PHF21A: variants seen among roughly 807,000 people sequenced by gnomAD.
The protein encoded by PHF21A is BHC80a.
PHF21A carries 11 observed loss-of-function variants against 82.5 expected under a neutral mutation model. The ratio of observed to expected loss-of-function variants is 0.13; its 90% CI spans 0.08 to 0.22. The LOEUF (loss-of-function observed/expected upper bound fraction) is 0.22, where lower values mean the gene tolerates loss of function less well. Ranked by LOEUF, PHF21A falls within the 10% of genes least tolerant of loss-of-function variation. The pLI, the probability that PHF21A is intolerant of heterozygous loss-of-function variation, is 1.00. For missense variants in PHF21A, 579 were observed against 837.8 expected (o/e 0.69, Z 3.81); for synonymous variants, 297 against 302.8 (o/e 0.98, Z 0.20).
At chr11:45,979,198 T>C (rs888709809) in intron 7 of PHF21A, among the ~76,000 whole-genome samples, 3 of 152,072 alleles carry the variant, frequency 2.0e-5, no homozygotes, top group African/African-American at 7.2e-5. Context: ...TTTGTATTTT[T>C]AGTAGAAATG....
At chr11:45,986,291 C>T (rs1297606474) in intron 6 of PHF21A, among the ~76,000 whole-genome samples, 1 of 152,044 alleles carries the variant, frequency 6.6e-6, no homozygotes, top group East Asian at 1.9e-4. Context: ...GTAAACTCAA[C>T]CCCATCTTCC....
intron 7 of PHF21A, among the ~76,000 whole-genome samples, chr11:45,973,211 G>C (rs1270379771): frequency 6.6e-6 from 1 of 152,228 alleles, no homozygotes; most frequent in East Asian, 1.9e-4. Context: ...CATGTGGTTA[G>C]TGGTGACCAA....
chr11:46,040,733 A>G (rs1389369132), intron 6 of PHF21A, among the ~76,000 whole-genome samples: 3 of 152,194 alleles, frequency 2.0e-5, no homozygotes, highest in African/African-American at 7.2e-5. Flanking sequence ...AGGATTCTGT[A>G]TATGTTCGAA....
At chr11:46,025,850 G>T (rs2095733862) in intron 6 of PHF21A, among the ~76,000 whole-genome samples, 1 of 152,206 alleles carries the variant, frequency 6.6e-6, no homozygotes, top group Non-Finnish European at 1.5e-5. Flanking sequence ...AAGTATAGGT[G>T]ATGGGCTGTG....
intron 1 of PHF21A, among the ~76,000 whole-genome samples, chr11:46,097,018 C>A (rs1328169415): frequency 1.3e-5 from 2 of 152,120 alleles, no homozygotes; most frequent in Non-Finnish European, 2.9e-5. Context: ...CACATCTACT[C>A]CGACAGCCAA....
chr11:45,985,468 T>TA (rs1245248650), intron 6 of PHF21A, among the ~76,000 whole-genome samples: 7 of 152,188 alleles, frequency 4.6e-5, no homozygotes, highest in Non-Finnish European at 8.8e-5. Context: ...AAACTCAAGA[T>TA]AAACTCCCTC....
At chr11:46,036,325 C>T (rs1488351333) in intron 6 of PHF21A, among the ~76,000 whole-genome samples, 1 of 152,152 alleles carries the variant, frequency 6.6e-6, no homozygotes, top group Non-Finnish European at 1.5e-5. Context: ...GATGCCAGTA[C>T]GACACTGAAG....
chr11:46,044,275 T>G (rs1049318149), intron 6 of PHF21A, among the ~76,000 whole-genome samples: 1 of 152,080 alleles, frequency 6.6e-6, no homozygotes, highest in Non-Finnish European at 1.5e-5. Context: ...GAATACATTA[T>G]TAAACCAAAT....
At chr11:46,009,627 T>C (rs1263964141) in intron 6 of PHF21A, among the ~76,000 whole-genome samples, 1 of 152,194 alleles carries the variant, frequency 6.6e-6, no homozygotes, top group Non-Finnish European at 1.5e-5. Context: ...ATTTTACAGA[T>C]GGAGAAACTA....
At chr11:46,010,865 G>A (rs965543649) in intron 6 of PHF21A, among the ~76,000 whole-genome samples, 1 of 151,998 alleles carries the variant, frequency 6.6e-6, no homozygotes, top group African/African-American at 2.4e-5. Flanking sequence ...GAATTGTTGG[G>A]GGCAATTAAA....
chr11:46,033,540 AG>A (rs2095913293), intron 6 of PHF21A, among the ~76,000 whole-genome samples: 1 of 152,214 alleles, frequency 6.6e-6, no homozygotes, highest in Non-Finnish European at 1.5e-5. Flanking sequence ...TTGGGATTAC[AG>A]GTGTGAGCCA....
chr11:46,054,012 C>T (rs548742028), intron 6 of PHF21A, among the ~76,000 whole-genome samples: 1 of 152,050 alleles, frequency 6.6e-6, no homozygotes, highest in South Asian at 2.1e-4. Flanking sequence ...CCCCACTTCG[C>T]CACAAGCTTT....
chr11:46,061,928 G>A (rs1403646120), intron 6 of PHF21A, among the ~76,000 whole-genome samples: 4 of 152,028 alleles, frequency 2.6e-5, no homozygotes, highest in African/African-American at 4.8e-5. Flanking sequence ...TTCTATCCCC[G>A]GACTTGATCA....
At chr11:46,099,562 A>ACACACACACACC (rs1228299404) in intron 1 of PHF21A, among the ~76,000 whole-genome samples, 6 of 146,040 alleles carry the variant, frequency 4.1e-5, no homozygotes, top group South Asian at 2.2e-4. Flanking sequence ...ACACACACAC[A>ACACACACACACC]CCCTAAACAC....
intron 6 of PHF21A, among the ~76,000 whole-genome samples, chr11:46,071,421 T>C (rs1034489043): frequency 6.6e-6 from 1 of 152,192 alleles, no homozygotes. Context: ...CCAGATGACC[T>C]ACAGACCTAG....
At chr11:45,938,832 G>A (rs75713103) in intron 15 of PHF21A, among the ~76,000 whole-genome samples, 1 of 151,026 alleles carries the variant, frequency 6.6e-6, no homozygotes, top group African/African-American at 2.4e-5. Flanking sequence ...GGAGACTAGT[G>A]TATTCTTTTT....
chr11:45,972,907 G>A (rs891148711), intron 7 of PHF21A, among the ~76,000 whole-genome samples: 6 of 148,804 alleles, frequency 4.0e-5, no homozygotes, highest in Admixed American at 6.7e-5. Context: ...GCGAGTCTCC[G>A]TCTCAAAAAC....
At chr11:46,012,525 C>CG (rs1437630209) in intron 6 of PHF21A, among the ~76,000 whole-genome samples, 7 of 152,288 alleles carry the variant, frequency 4.6e-5, no homozygotes, top group Admixed American at 4.6e-4. Context: ...TTTGGTCTTA[C>CG]GCAAGTTAAC....
At chr11:46,102,542 T>G (rs1054102049) in intron 1 of PHF21A, among the ~76,000 whole-genome samples, 8 of 152,236 alleles carry the variant, frequency 5.3e-5, no homozygotes, top group Admixed American at 2.6e-4. Flanking sequence ...AAATTTCCAT[T>G]TTTTAATTCT....
Sources: gnomAD v4.1 joint callset for allele counts (sites outside exome capture counted in the v4.1 genomes callset) on GRCh38, gnomAD v4.1.1 for gene constraint, MANE v1.5 for transcripts, NCBI Gene and HGNC (gene_info 2026-07-23, HGNC 2026-07-21) for gene names.